The following CMKLR2 variants were observed in gnomAD, a reference collection of about 807,000 sequenced individuals.
The protein encoded by CMKLR2 is chemerin-like receptor 2.
CMKLR2 carries 18 observed loss-of-function variants against 23.0 expected under a neutral mutation model. That is an observed-to-expected ratio of 0.78 (90% CI 0.54 to 1.16). CMKLR2 has a LOEUF of 1.16. Ranked by LOEUF, CMKLR2 falls within the 50% of genes most tolerant of loss-of-function variation. CMKLR2 has a pLI of 0.00. For missense variants in CMKLR2, 401 were observed against 412.7 expected, an observed-to-expected ratio of 0.97 and a Z score of 0.25; for synonymous variants, 158 against 158.9, an observed-to-expected ratio of 0.99 and a Z score of 0.05.
chr2:206,185,483 G>A (rs954637058), intron 1 of CMKLR2, among the ~76,000 whole-genome samples: 3 of 152,132 alleles, frequency 2.0e-5, no homozygotes, highest in Non-Finnish European at 4.4e-5. Context: ...TGAGAAAACC[G>A]AGCAAGAGGA....
intron 1 of CMKLR2, among the ~76,000 whole-genome samples, chr2:206,182,205 C>T (rs534044736): frequency 2.8e-4 from 43 of 152,126 alleles, no homozygotes; most frequent in Admixed American, 7.9e-4. Context: ...TTATTGGTCT[C>T]ATTTTTAACA....
intron 1 of CMKLR2, among the ~76,000 whole-genome samples, chr2:206,208,771 C>G (rs1262968641): frequency 6.6e-6 from 1 of 151,858 alleles, no homozygotes; most frequent in Non-Finnish European, 1.5e-5. Context: ...TCCTAAGTAA[C>G]TAGGACCTCC....
chr2:206,201,124 G>C (rs865794776), intron 1 of CMKLR2, among the ~76,000 whole-genome samples: 1 of 152,020 alleles, frequency 6.6e-6, no homozygotes, highest in Admixed American at 6.6e-5. Flanking sequence ...GCTAATTTTT[G>C]TATTTTTTGC....
rs143216526 is a variant in CMKLR2 at position 206,189,527 on chromosome 2, C to G, written c.-28-12252G>C. ...GTGCGTGCCTGTAGTCCCAGCTACTCAGGAGGCTGAGGGAGGAGAATTGCT... is the reference window on the plus strand; with the variant it reads ...GTGCGTGCCTGTAGTCCCAGCTACTGAGGAGGCTGAGGGAGGAGAATTGCT... On this transcript the variant is annotated intron_variant, in intron 1 of 1. Transcript: ENST00000621141. Among the ~76,000 whole-genome samples the G allele has an allele frequency of 7.1e-3, 1,071 of 151,644 alleles. 20 individuals carry two copies. Among genetic ancestry groups the G allele is most frequent in the African/African-American group, 0.025 (1,019 of 41,314 alleles).
At chr2:206,199,639 A>T (rs1213728810) in intron 1 of CMKLR2, among the ~76,000 whole-genome samples, 1 of 147,888 alleles carries the variant, frequency 6.8e-6, no homozygotes, top group Non-Finnish European at 1.5e-5. Context: ...TCTGTCTCCC[A>T]GGCTGGAGTG....
intron 1 of CMKLR2, among the ~76,000 whole-genome samples, chr2:206,210,152 C>T (rs1348633556): frequency 1.3e-5 from 2 of 151,556 alleles, no homozygotes; most frequent in East Asian, 1.9e-4. Flanking sequence ...TTAGTAGAGA[C>T]GGGGTTTCAC....
intron 1 of CMKLR2, among the ~76,000 whole-genome samples, chr2:206,191,470 G>C (rs1273723849): frequency 6.6e-6 from 1 of 151,942 alleles, no homozygotes; most frequent in East Asian, 1.9e-4. Flanking sequence ...TCAAAAACAT[G>C]TTTTGTTTTG....
At chr2:206,205,168 T>C (rs1364139793) in intron 1 of CMKLR2, among the ~76,000 whole-genome samples, 1 of 152,212 alleles carries the variant, frequency 6.6e-6, no homozygotes, top group East Asian at 1.9e-4. Flanking sequence ...GAGCATCCAG[T>C]GATTCTGAGC....
At chr2:206,214,711 C>A (rs1429121852), upstream of CMKLR2, among the ~76,000 whole-genome samples, 2 of 152,024 alleles carry the variant, frequency 1.3e-5, no homozygotes, top group Non-Finnish European at 2.9e-5. Context: ...GCAAGCTCCG[C>A]CTTCTGGGTT....
At chr2:206,177,682 C>G (rs952679347) in intron 1 of CMKLR2, among the ~76,000 whole-genome samples, 3 of 152,180 alleles carry the variant, frequency 2.0e-5, no homozygotes, top group Non-Finnish European at 4.4e-5. Flanking sequence ...CAACTATACC[C>G]AGCAAATATA....
At position 206,182,714 on chromosome 2, in the gene CMKLR2, G is replaced by T. The variant is rs553878445; in HGVS notation, c.-28-5439C>A. Reference sequence around the variant, plus strand: ...TCGGCTCATGCAACCTTTGTCCCCCGAGTTCAAGTGATTCTCCTGCCTCAG... The same window carrying T: ...TCGGCTCATGCAACCTTTGTCCCCCTAGTTCAAGTGATTCTCCTGCCTCAG... On this transcript the variant is annotated intron_variant, in intron 1 of 1. Coordinates refer to ENST00000621141, the MANE Select transcript of CMKLR2 (RefSeq NM_001389445.1). Among the ~76,000 whole-genome samples the T allele has an allele frequency of 1.8e-3, 267 of 151,636 alleles. 1 individual carries two copies. The highest frequency in any genetic ancestry group is 6.1e-3 in the African/African-American group (254 of 41,324).
chr2:206,192,290 A>C (rs1037234149), intron 1 of CMKLR2, among the ~76,000 whole-genome samples: 8 of 149,366 alleles, frequency 5.4e-5, no homozygotes, highest in African/African-American at 1.9e-4. Context: ...TTCTCTTTAA[A>C]AAAAAAAATT....
chr2:206,196,181 C>T (rs1315645720), intron 1 of CMKLR2, among the ~76,000 whole-genome samples: 2 of 152,066 alleles, frequency 1.3e-5, no homozygotes, highest in African/African-American at 4.8e-5. Flanking sequence ...TTGAGACCAG[C>T]CTGGCAAACG....
intron 1 of CMKLR2, among the ~76,000 whole-genome samples, chr2:206,204,854 T>C (rs952134961): frequency 6.6e-6 from 1 of 152,224 alleles, no homozygotes; most frequent in Non-Finnish European, 1.5e-5. Context: ...GTTCATTCCA[T>C]CCTTGACAAA....
Position 206,213,289 on chromosome 2 carries a change from A to G in CMKLR2, c.-29+18T>C, listed in dbSNP as rs1689637414. On this transcript the variant is annotated intron_variant, in intron 1 of 1. Coordinates refer to ENST00000621141, the MANE Select transcript of CMKLR2 (RefSeq NM_001389445.1). ...GTAAATGTGTCAGTTTGAGGAAAACAAACAGGAAAGCACTTACCAGTTAAA... is the reference window on the plus strand; with the variant it reads ...GTAAATGTGTCAGTTTGAGGAAAACGAACAGGAAAGCACTTACCAGTTAAA... 1 of 152,222 alleles carries G rather than the reference A, an allele frequency of 6.6e-6. No individual in the cohort carries two copies. Among genetic ancestry groups the G allele is most frequent in the African/African-American group, 2.4e-5 (1 of 41,468 alleles). 9.4% of individuals were successfully genotyped at this position (152,222 alleles called of 1,614,324 possible).
rs1688266155 is a variant in CMKLR2 at position 206,177,324 on chromosome 2, A to G, written c.-28-49T>C. ...AAGAAAAAATTTTAAAAGAAAAATA[A>G]AAGTTCAGTGAATGATAAGGAACGT... On this transcript the variant is annotated intron_variant, in intron 1 of 1. Coordinates refer to ENST00000621141, the MANE Select transcript of CMKLR2 (RefSeq NM_001389445.1). 3 of 832,632 alleles carry G rather than the reference A, an allele frequency of 3.6e-6. No homozygotes were observed. In the South Asian group the frequency reaches 5.6e-5, roughly 15 times the overall value. The allele number at this position is 832,632 out of a possible 1,614,324, so 51.6% of individuals were successfully genotyped here. A position where few individuals can be genotyped will look rare whatever the true frequency, so the allele number is the denominator to read the frequency against.
At position 206,190,900 on chromosome 2, in the gene CMKLR2, G is replaced by A. The variant is rs113601119; in HGVS notation, c.-28-13625C>T. ...CACAGCACATGTACCGGAAGTCAAC[G>A]CCTACTTATGTACCTGTTGTTTTAA... On this transcript the variant is annotated intron_variant, in intron 1 of 1. Transcript: ENST00000621141. Among the ~76,000 whole-genome samples, 12 of 152,244 alleles carry A rather than the reference G, an allele frequency of 7.9e-5. 1 individual carries two copies. Among genetic ancestry groups the A allele is most frequent in the African/African-American group, 2.6e-4 (11 of 41,546 alleles).
chr2:206,199,712 C>T (rs1364928161), intron 1 of CMKLR2, among the ~76,000 whole-genome samples: 3 of 151,828 alleles, frequency 2.0e-5, no homozygotes, highest in Non-Finnish European at 4.4e-5. Context: ...TCTCCTGCCT[C>T]ACCCTCCCAA....
intron 1 of CMKLR2, among the ~76,000 whole-genome samples, chr2:206,194,978 G>A (rs948949780): frequency 1.3e-5 from 2 of 149,554 alleles, no homozygotes; most frequent in East Asian, 2.0e-4. Context: ...AGATGGTCTC[G>A]ATCTCCTGAC....
Sources: allele counts gnomAD v4.1 joint callset (sites outside exome capture counted in the v4.1 genomes callset), GRCh38; gene constraint gnomAD v4.1.1; transcripts MANE v1.5; gene names NCBI Gene and HGNC (gene_info 2026-07-23, HGNC 2026-07-21).